TNFAIP8L1: variants seen among roughly 807,000 people sequenced by gnomAD.
TNFAIP8L1 encodes the protein TNF alpha induced protein 8 like 1, also known as tumor necrosis factor alpha-induced protein 8-like protein 1.
For synonymous variants in TNFAIP8L1, 127 were observed against 125.6 expected (o/e 1.01, Z -0.08); for missense variants, 225 against 266.1 (o/e 0.85, Z 1.08).
At position 4,652,207 on chromosome 19, in the gene TNFAIP8L1, G is replaced by T. The variant is rs751008781; in HGVS notation, c.338G>T (p.Arg113Leu). 7.1e-6 allele frequency: 11 copies of T among 1,543,726 alleles called. No individual in the cohort carries two copies. Among genetic ancestry groups the T allele is most frequent in the Middle Eastern group, 3.4e-4 (2 of 5,904 alleles). Residue 113 changes from arginine (R) to leucine (L), a missense_variant, in exon 2 of 2, where the codon CGG (arginine) becomes CTG (leucine). Arg to Leu is a moderately radical substitution (Grantham distance 102). Transcript: ENST00000327473. The part of the protein sequence containing the change: ...SFHQVDFTFD[R>L]RVLAAGLLEC... ...CACCAGGTGGACTTCACCTTCGACC[G>T]GCGCGTGCTGGCCGCCGGGCTGCTC...
At position 4,652,669 on chromosome 19, in the gene TNFAIP8L1, C is replaced by A; in HGVS notation, c.*239C>A. ...GCCCAATGGGGAGAGGAATTTGGGG[C>A]CCTACTCTGGGGACCACCTTTCACC... On this transcript the variant is annotated 3_prime_UTR_variant, in exon 2 of 2. Transcript: ENST00000327473. 2 of 502,752 alleles carry A rather than the reference C, an allele frequency of 4.0e-6. No homozygotes were observed. Among genetic ancestry groups the A allele is most frequent in the Non-Finnish European group, 7.1e-6 (2 of 282,438 alleles). 31.1% of individuals were successfully genotyped at this position (502,752 alleles called of 1,614,324 possible).
At position 4,645,209 on chromosome 19, in the gene TNFAIP8L1, A is replaced by G. The variant is rs1042802969; in HGVS notation, c.-4+5580A>G. Reference sequence around the variant, plus strand: ...CTCCTGTGTTTTCAGGAATTTTGCCATCTGGTAGTTAAACGCAGCCATTAT... The same window carrying G: ...CTCCTGTGTTTTCAGGAATTTTGCCGTCTGGTAGTTAAACGCAGCCATTAT... On this transcript the variant is annotated intron_variant, in intron 1 of 1. Transcript: ENST00000327473. The surrounding 1 kb of genome is among the most constrained non-coding windows in gnomAD (Gnocchi z 4.1). Among the ~76,000 whole-genome samples the G allele has an allele frequency of 1.3e-5, 2 of 152,294 alleles. No homozygotes were observed. Among genetic ancestry groups the G allele is most frequent in the East Asian group, 1.9e-4 (1 of 5,176 alleles).
rs976129870 is a variant in TNFAIP8L1, at chr19:4,641,280, G to A, written c.-4+1651G>A. On this transcript the variant is annotated intron_variant, in intron 1 of 1. Coordinates refer to ENST00000327473, the MANE Select transcript of TNFAIP8L1 (RefSeq NM_152362.3). The surrounding 1 kb of genome is among the most constrained non-coding windows in gnomAD (Gnocchi z 4.6). ...CCTCAGTGTCCCTGTCTGTCCAATG[G>A]GGCCACGAAAGGGTGCCTTGAGGAC... is the stretch of plus-strand genomic sequence containing the variant. 1 of 152,166 alleles carries A rather than the reference G, an allele frequency of 6.6e-6. No individual in the cohort carries two copies. The highest frequency in any genetic ancestry group is 2.4e-5 in the African/African-American group (1 of 41,424). 9.4% of individuals were successfully genotyped at this position (152,166 alleles called of 1,614,324 possible).
chr19:4,639,693 CTG>C (rs2088242375), intron 1 of TNFAIP8L1, 64 bp downstream of exon 1: 1 of 152,298 alleles, frequency 6.6e-6, no homozygotes, highest in African/African-American at 2.4e-5. Flanking sequence ...TGGCCGCCCT[CTG>C]TCTCTCCCGC....
In TNFAIP8L1 at chr19:4,645,618, T is replaced by G. The variant is rs2088303276; in HGVS notation, c.-4+5989T>G. Among the ~76,000 whole-genome samples, 1 of 148,194 alleles carries G rather than the reference T, an allele frequency of 6.7e-6. No individual in the cohort carries two copies. The highest frequency in any genetic ancestry group is 1.5e-5 in the Non-Finnish European group (1 of 67,478). Reference sequence around the variant, plus strand: ...AAACATACATACATACATAAACTTATAGTTAAATAAAGTACATTTAAGCCA... The same window carrying G: ...AAACATACATACATACATAAACTTAGAGTTAAATAAAGTACATTTAAGCCA... On this transcript the variant is annotated intron_variant, in intron 1 of 1. Coordinates refer to ENST00000327473, the MANE Select transcript of TNFAIP8L1 (RefSeq NM_152362.3). This position sits in a 1 kb window ranked among gnomAD's most constrained non-coding sequence, Gnocchi z 4.1.
Position 4,654,633 on chromosome 19 carries a change from T to C in TNFAIP8L1, c.*2203T>C, listed in dbSNP as rs907685998. ...TGCACATTGTAATATCGTGATTTCA[T>C]ATTTGGAGAATCAGCAACCAACCAG... On this transcript the variant is annotated 3_prime_UTR_variant, in exon 2 of 2. Transcript: ENST00000327473. 2.0e-5 allele frequency: 3 copies of C among 152,212 alleles called. No individual in the cohort carries two copies. The highest frequency in any genetic ancestry group is 7.2e-5 in the African/African-American group (3 of 41,436). 9.4% of individuals were successfully genotyped at this position (152,212 alleles called of 1,614,324 possible).
rs748768295 is a variant in TNFAIP8L1 at position 4,655,440 on chromosome 19, G to C, written c.*3010G>C. On this transcript the variant is annotated 3_prime_UTR_variant, in exon 2 of 2. Transcript: ENST00000327473. ...CCCTGTGCTGTTGAGACATCAGTGT[G>C]TAAAACTCTCTGTGTCCCTGTTGGG... 1 of 152,202 alleles carries C rather than the reference G, an allele frequency of 6.6e-6. No homozygotes were observed. Among genetic ancestry groups the C allele is most frequent in the Non-Finnish European group, 1.5e-5 (1 of 68,046 alleles). 9.4% of individuals were successfully genotyped at this position (152,202 alleles called of 1,614,324 possible). A position where few individuals can be genotyped will look rare whatever the true frequency, so the allele number is the denominator to read the frequency against.
At position 4,654,733 on chromosome 19, in the gene TNFAIP8L1, C is replaced by G. The variant is rs75004743; in HGVS notation, c.*2303C>G. On this transcript the variant is annotated 3_prime_UTR_variant, in exon 2 of 2. Coordinates refer to ENST00000327473, the MANE Select transcript of TNFAIP8L1 (RefSeq NM_152362.3). The stretch of plus-strand genomic sequence containing the variant: ...GTCGTCTTGGCTCTGGTACCACCCA[C>G]GAGATGCGGGCGATTCTCAGCTCAG... The G allele has an allele frequency of 1.3e-5, 2 of 152,178 alleles. No individual in the cohort carries two copies. Among genetic ancestry groups the G allele is most frequent in the Non-Finnish European group, 2.9e-5 (2 of 68,038 alleles). The allele number at this position is 152,178 out of a possible 1,614,324, so 9.4% of individuals were successfully genotyped here. A position where few individuals can be genotyped will look rare whatever the true frequency, so the allele number is the denominator to read the frequency against.
chr19:4,649,366 G>A (rs1165495791), intron 1 of TNFAIP8L1, among the ~76,000 whole-genome samples: 2 of 152,052 alleles, frequency 1.3e-5, no homozygotes, highest in African/African-American at 2.4e-5. Context: ...TCACAGCTTA[G>A]GGGGCATTGC....
Position 4,652,439 on chromosome 19 carries a change from G to A in TNFAIP8L1, c.*9G>A, listed in dbSNP as rs1599830905. The A allele has an allele frequency of 1.3e-6, 2 of 1,508,212 alleles. No homozygotes were observed. Among genetic ancestry groups the A allele is most frequent in the Non-Finnish European group, 8.9e-7 (1 of 1,124,916 alleles). 93.4% of individuals were successfully genotyped at this position (1,508,212 alleles called of 1,614,324 possible). A position where few individuals can be genotyped will look rare whatever the true frequency, so the allele number is the denominator to read the frequency against. On this transcript the variant is annotated 3_prime_UTR_variant, in exon 2 of 2. Coordinates refer to ENST00000327473, the MANE Select transcript of TNFAIP8L1 (RefSeq NM_152362.3). ...ACGAGGGCAGCCTCTGAACCCCGGC[G>A]CCGCCCAACCGCGCCCCTCGCGCCT...
rs1436276226 is a variant in TNFAIP8L1 at position 4,641,085 on chromosome 19, G to A, written c.-4+1456G>A. ...CAATGGTGGGGTGGCTCTGCAGACG[G>A]GTGCAGGTCTGAGGCCCCGCGGTAC... On this transcript the variant is annotated intron_variant, in intron 1 of 1. Coordinates refer to ENST00000327473, the MANE Select transcript of TNFAIP8L1 (RefSeq NM_152362.3). This position sits in a 1 kb window ranked among gnomAD's most constrained non-coding sequence, Gnocchi z 4.6. 1 of 152,284 alleles carries A rather than the reference G, an allele frequency of 6.6e-6. No homozygotes were observed. Among genetic ancestry groups the A allele is most frequent in the African/African-American group, 2.4e-5 (1 of 41,438 alleles). 9.4% of individuals were successfully genotyped at this position (152,284 alleles called of 1,614,324 possible). A position where few individuals can be genotyped will look rare whatever the true frequency, so the allele number is the denominator to read the frequency against.
In TNFAIP8L1 at chr19:4,652,814, T is replaced by A. The variant is rs1011398615; in HGVS notation, c.*384T>A. The A allele has an allele frequency of 4.9e-5, 11 of 225,340 alleles. No homozygotes were observed. Among genetic ancestry groups the A allele is most frequent in the African/African-American group, 2.5e-4 (11 of 43,584 alleles). The allele number at this position is 225,340 out of a possible 1,614,324, so 14.0% of individuals were successfully genotyped here. On this transcript the variant is annotated 3_prime_UTR_variant, in exon 2 of 2. Coordinates refer to ENST00000327473, the MANE Select transcript of TNFAIP8L1 (RefSeq NM_152362.3). The stretch of plus-strand genomic sequence containing the variant: ...TCATCCCTCGCACAAGGACTACGGG[T>A]TCACACGGTGAACTGGGGGAAGGGA...
chr19:4,651,498 A>G (rs1244178802), intron 1 of TNFAIP8L1, among the ~76,000 whole-genome samples: 14 of 151,906 alleles, frequency 9.2e-5, no homozygotes, highest in Admixed American at 8.5e-4. Context: ...GTGCGGTGGC[A>G]TGGTCTTAGC....
intron 1 of TNFAIP8L1, among the ~76,000 whole-genome samples, chr19:4,646,630 T>C (rs2088313731): frequency 6.6e-6 from 1 of 151,568 alleles, no homozygotes; most frequent in South Asian, 2.1e-4. Flanking sequence ...AGGCCTCTCC[T>C]GAACATTTTT....
intron 1 of TNFAIP8L1, among the ~76,000 whole-genome samples, chr19:4,650,352 C>A (rs1378116061): frequency 6.6e-6 from 1 of 151,764 alleles, no homozygotes; most frequent in Admixed American, 6.6e-5. Flanking sequence ...GGAGATGGGG[C>A]CTTAGGGTAT....
chr19:4,646,036 C>T (rs1169717940), intron 1 of TNFAIP8L1, among the ~76,000 whole-genome samples: 3 of 152,192 alleles, frequency 2.0e-5, no homozygotes, highest in African/African-American at 7.2e-5. Flanking sequence ...TAGAGAGGCC[C>T]TCCTGGTTAC....
At chr19:4,647,725 G>A (rs562693372) in intron 1 of TNFAIP8L1, among the ~76,000 whole-genome samples, 35 of 148,416 alleles carry the variant, frequency 2.4e-4, no homozygotes, top group Non-Finnish European at 4.0e-4. Context: ...GGGCTCAAGC[G>A]ATTCTCCCCC....
chr19:4,648,410 G>T (rs750383903), intron 1 of TNFAIP8L1, among the ~76,000 whole-genome samples: 1 of 152,240 alleles, frequency 6.6e-6, no homozygotes, highest in Non-Finnish European at 1.5e-5. Context: ...TCATCCTCCT[G>T]TCTGGCTGCC....
chr19:4,652,135 G>C lies in TNFAIP8L1; in HGVS notation c.266G>C (p.Arg89Pro). The change falls in exon 2 of 2, where the codon CGC (arginine) becomes CCC (proline). Residue 89 changes from arginine (R) to proline (P), a missense_variant. Transcript: ENST00000327473. ...GGTGAGGAGCTGGCGCTGCTGCGGC[G>C]CTTCCGCCACCGGGCGCGCTGCCTG... ...LGGEELALLRRFRHRARCLAM... is the reference protein window; with the variant it reads ...LGGEELALLRPFRHRARCLAM... 1 of 1,575,590 alleles carries C rather than the reference G, an allele frequency of 6.3e-7. No individual in the cohort carries two copies. The highest frequency in any genetic ancestry group is 8.6e-7 in the Non-Finnish European group (1 of 1,161,520).
Sources: allele counts gnomAD v4.1 joint callset (sites outside exome capture counted in the v4.1 genomes callset), GRCh38; gene constraint gnomAD v4.1.1; non-coding constraint Gnocchi (gnomAD v3.1); transcripts MANE v1.5; gene names NCBI Gene and HGNC (gene_info 2026-07-23, HGNC 2026-07-21).